PCMT1: variants seen among roughly 807,000 people sequenced by gnomAD.
PCMT1 encodes protein-L-isoaspartate (D-aspartate) O-methyltransferase, also known as protein-L-isoaspartate(D-aspartate) O-methyltransferase.
In PCMT1, 9 loss-of-function variants were observed where a neutral mutation model predicts 29.2. The observed-to-expected ratio is 0.31, with a 90% CI of 0.19 to 0.54. The LOEUF is 0.54. Among genes scored for constraint, PCMT1 ranks in the 20% least tolerant of loss-of-function variants. PCMT1 has a pLI of 0.95. For missense variants in PCMT1, 184 were observed against 282.2 expected (o/e 0.65, Z 2.49); for synonymous variants, 98 against 97.5 (o/e 1.00, Z -0.03).
intron 1 of PCMT1, chr6:149,765,736 G>A (rs1206161018): frequency 2.9e-6 from 1 of 341,192 alleles, no homozygotes; most frequent in South Asian, 2.3e-5. Flanking sequence ...GGAGGACGAG[G>A]AAGGTGGATC....
chr6:149,750,811 G>T (rs934413251), intron 1 of PCMT1, among the ~76,000 whole-genome samples: 2 of 151,784 alleles, frequency 1.3e-5, no homozygotes, highest in Non-Finnish European at 2.9e-5. Flanking sequence ...TTTTTAAATC[G>T]AAATATAGCG....
chr6:149,798,168 C>CAA (rs1479536930), intron 6 of PCMT1: 14 of 67,646 alleles, frequency 2.1e-4, no homozygotes, highest in African/African-American at 5.6e-4. Context: ...GACCCTGTCT[C>CAA]AAAAAAAAAA....
chr6:149,784,013 C>T (rs1787921976), intron 3 of PCMT1, among the ~76,000 whole-genome samples: 1 of 152,170 alleles, frequency 6.6e-6, no homozygotes. Context: ...TTAAATGAGT[C>T]AGTGTCCTGA....
chr6:149,808,359 T>C (rs1203196432), intron 7 of PCMT1, among the ~76,000 whole-genome samples: 1 of 152,106 alleles, frequency 6.6e-6, no homozygotes, highest in Non-Finnish European at 1.5e-5. Flanking sequence ...ATACAGAATT[T>C]TGAACATTGG....
Position 149,810,763 on chromosome 6 carries a change from T to G in PCMT1, c.*185T>G, listed in dbSNP as rs1776138784. ...GTTATTTTCAGCATGAAAATGTGTGTTTTTTTAGGGTTTCTGATTCTTCAA... is the reference window on the plus strand; with the variant it reads ...GTTATTTTCAGCATGAAAATGTGTGGTTTTTTAGGGTTTCTGATTCTTCAA... On this transcript the variant is annotated 3_prime_UTR_variant, in exon 8 of 8. Coordinates refer to ENST00000464889, the MANE Select transcript of PCMT1 (RefSeq NM_001360452.2). 2.2e-5 allele frequency: 14 copies of G among 644,288 alleles called. No homozygotes were observed. In the Middle Eastern group the frequency reaches 7.5e-4, roughly 34 times the overall value. The allele number at this position is 644,288 out of a possible 1,614,324, so 39.9% of individuals were successfully genotyped here. A position where few individuals can be genotyped will look rare whatever the true frequency, so the allele number is the denominator to read the frequency against.
In PCMT1 at chr6:149,802,623, G is replaced by GT. The variant is rs746501455; in HGVS notation, c.*37+210dup. On this transcript the variant is annotated intron_variant, in intron 7 of 7. Transcript: ENST00000464889. The stretch of plus-strand genomic sequence containing the variant: ...GCACAAAGGCTTTTTTTGTTTGTTT[G>GT]TTTGTTTTTTTTTTAGAGAGACTTT... The GT allele has an allele frequency of 2.5e-3, 1,165 of 475,096 alleles. 3 individuals are homozygous for GT. Among genetic ancestry groups the GT allele is most frequent in the East Asian group, 6.1e-3 (91 of 14,890 alleles). 29.4% of individuals were successfully genotyped at this position (475,096 alleles called of 1,614,324 possible).
At chr6:149,788,851 A>G (rs946605814) in intron 3 of PCMT1, among the ~76,000 whole-genome samples, 2 of 152,182 alleles carry the variant, frequency 1.3e-5, no homozygotes, top group Non-Finnish European at 2.9e-5. Context: ...ACCTGAATCA[A>G]TCAGTTATTA....
At chr6:149,799,322 AT>A (rs138969048) in intron 6 of PCMT1, among the ~76,000 whole-genome samples, 7,849 of 152,122 alleles carry the variant, frequency 0.052, 534 homozygotes, top group African/African-American at 0.15. Flanking sequence ...TCTAAAAAAA[AT>A]AAAAGCTTCT....
chr6:149,795,193 CAAA>C (rs58391587), intron 5 of PCMT1: 407 of 272,180 alleles, frequency 1.5e-3, no homozygotes, highest in Middle Eastern at 3.7e-3. Flanking sequence ...GACTTCGTCT[CAAA>C]AAAAAAAAAA....
intron 6 of PCMT1, among the ~76,000 whole-genome samples, chr6:149,800,400 C>T (rs927625548): frequency 2.0e-5 from 3 of 152,040 alleles, no homozygotes; most frequent in Admixed American, 1.3e-4. Context: ...ACCTGGGAGG[C>T]GGAGGTTGCA....
At chr6:149,776,608 C>G (rs1787581634) in intron 3 of PCMT1, among the ~76,000 whole-genome samples, 1 of 151,998 alleles carries the variant, frequency 6.6e-6, no homozygotes, top group Non-Finnish European at 1.5e-5. Flanking sequence ...GACAGGGCCT[C>G]ACTTTGTTAC....
At chr6:149,810,512 T>G in intron 7 of PCMT1, 104 bp from the exon 8 acceptor site, 1 of 768,542 alleles carries the variant, frequency 1.3e-6, no homozygotes, top group Non-Finnish European at 2.2e-6. Flanking sequence ...TGCTTGGTGA[T>G]CAGCGCATTT....
intron 1 of PCMT1, among the ~76,000 whole-genome samples, chr6:149,758,296 C>T (rs764904780): frequency 6.7e-6 from 1 of 149,886 alleles, no homozygotes; most frequent in Non-Finnish European, 1.5e-5. Flanking sequence ...CTGCAACCTC[C>T]GCCTCCCCGG....
chr6:149,773,131 T>G lies in PCMT1; in HGVS notation c.161-7T>G. The G allele has an allele frequency of 6.2e-7, 1 of 1,609,124 alleles. No homozygotes were observed. Among genetic ancestry groups the G allele is most frequent in the South Asian group, 1.1e-5 (1 of 90,520 alleles). ...ACTGTATCAGTAGTTCTCTTCTTCT[T>G]TTGCAGGTTTCCAAGCAACAATCAG... On this transcript the variant is annotated splice_region_variant and splice_polypyrimidine_tract_variant and intron_variant, in intron 2 of 7. Coordinates refer to ENST00000464889, the MANE Select transcript of PCMT1 (RefSeq NM_001360452.2).
intron 1 of PCMT1, among the ~76,000 whole-genome samples, chr6:149,753,911 T>C (rs10782317): frequency 0.44 from 66,493 of 151,976 alleles, 15,583 homozygotes; most frequent in East Asian, 0.81. Context: ...CTTTTCAAAA[T>C]ACAGATTGCC....
intron 3 of PCMT1, among the ~76,000 whole-genome samples, chr6:149,785,488 G>A (rs371648239): frequency 0.059 from 6,354 of 108,524 alleles, no homozygotes; most frequent in Admixed American, 0.11. Flanking sequence ...GACAATAGTG[G>A]AGGGAAGGTC....
intron 2 of PCMT1, 51 bp downstream of exon 2, chr6:149,771,317 A>AT: frequency 3.4e-6 from 4 of 1,172,574 alleles, no homozygotes; most frequent in Non-Finnish European, 5.0e-6. Flanking sequence ...TTACTTTATG[A>AT]TTTTTGGAAG....
At chr6:149,787,615 G>T (rs9688803) in intron 3 of PCMT1, among the ~76,000 whole-genome samples, 1 of 151,772 alleles carries the variant, frequency 6.6e-6, no homozygotes, top group Non-Finnish European at 1.5e-5. Flanking sequence ...TGCCCGCCTC[G>T]GCCTCTCAAA....
intron 3 of PCMT1, 101 bp from the exon 4 acceptor site, chr6:149,789,853 G>C: frequency 1.6e-6 from 1 of 638,134 alleles, no homozygotes; most frequent in Non-Finnish European, 2.6e-6. Context: ...TATCTTGGTA[G>C]ATGACAATAG....
Sources: allele counts gnomAD v4.1 joint callset (sites outside exome capture counted in the v4.1 genomes callset), GRCh38; gene constraint gnomAD v4.1.1; transcripts MANE v1.5; gene names NCBI Gene and HGNC (gene_info 2026-07-23, HGNC 2026-07-21).